CREBBP: variants seen among roughly 807,000 people sequenced by gnomAD.
CREBBP encodes the protein CREB-binding protein.
In CREBBP, 19 loss-of-function variants were observed where a neutral mutation model predicts 265.0. The ratio of observed to expected loss-of-function variants is 0.07; its 90% CI spans 0.05 to 0.11. The LOEUF is 0.11. Among genes scored for constraint, CREBBP ranks in the 10% least tolerant of loss-of-function variants. The probability of loss-of-function intolerance (pLI) is 1.00; values close to 1 mark genes in which losing one functional copy is unlikely to be tolerated. For synonymous variants in CREBBP, 1,457 were observed against 1,223.7 expected, an observed-to-expected ratio of 1.19 and a Z score of -3.98; for missense variants, 2,525 against 3,219.0, an observed-to-expected ratio of 0.78 and a Z score of 5.22.
At chr16:3,851,689 G>A (rs944238123) in intron 1 of CREBBP, among the ~76,000 whole-genome samples, 1 of 151,612 alleles carries the variant, frequency 6.6e-6, no homozygotes, top group African/African-American at 2.4e-5. Context: ...CCCGTCTCTA[G>A]TAAAAAGACA....
At chr16:3,760,472 G>A (rs1222388969) in intron 16 of CREBBP, among the ~76,000 whole-genome samples, 3 of 135,336 alleles carry the variant, frequency 2.2e-5, no homozygotes, top group South Asian at 2.4e-4. Context: ...GTACGATCTC[G>A]GCTCACAGCA....
In CREBBP at chr16:3,802,661, T is replaced by C. The variant is rs75142628; in HGVS notation, c.975+7942A>G. On this transcript the variant is annotated intron_variant, in intron 3 of 30. Transcript: ENST00000262367. Reference sequence around the variant, plus strand: ...GTGTGTCCAAGAGTAGGTTATCATGTCTTCAAAGGACCCTGTGTTCCAAAC... The same window carrying C: ...GTGTGTCCAAGAGTAGGTTATCATGCCTTCAAAGGACCCTGTGTTCCAAAC... Among the ~76,000 whole-genome samples, 1,113 of 152,168 alleles carry C rather than the reference T, an allele frequency of 7.3e-3. 12 individuals are homozygous for C. Among genetic ancestry groups the C allele is most frequent in the African/African-American group, 0.022 (899 of 41,492 alleles).
At chr16:3,861,629 T>C (rs916709525) in intron 1 of CREBBP, among the ~76,000 whole-genome samples, 1 of 98,816 alleles carries the variant, frequency 1.0e-5, no homozygotes, top group Non-Finnish European at 2.1e-5. Flanking sequence ...TGCAAATAAA[T>C]ATAATGGAAC....
chr16:3,759,966 C>T (rs1293795403), intron 16 of CREBBP, among the ~76,000 whole-genome samples: 1 of 152,178 alleles, frequency 6.6e-6, no homozygotes, highest in Admixed American at 6.5e-5. Context: ...CAGCAGTCAG[C>T]GTGTCACGAC....
chr16:3,824,593 T>G (rs879274340), intron 2 of CREBBP, among the ~76,000 whole-genome samples: 5 of 152,168 alleles, frequency 3.3e-5, no homozygotes, highest in Non-Finnish European at 7.3e-5. Flanking sequence ...TGCATTCAAA[T>G]CCTGATGGAC....
intron 1 of CREBBP, among the ~76,000 whole-genome samples, chr16:3,873,582 A>G (rs2055342744): frequency 6.6e-6 from 1 of 152,200 alleles, no homozygotes. Flanking sequence ...GGTTAACGCT[A>G]GTGTCAGTTC....
At chr16:3,845,932 C>T (rs1215874344) in intron 2 of CREBBP, among the ~76,000 whole-genome samples, 3 of 134,088 alleles carry the variant, frequency 2.2e-5, no homozygotes, top group African/African-American at 5.7e-5. Context: ...GAGAAAAATA[C>T]AGGAAAATAT....
rs576854644 is a variant in CREBBP, at chr16:3,858,488, G to A, written c.86-7479C>T. Among the ~76,000 whole-genome samples the A allele has an allele frequency of 9.1e-4, 138 of 152,266 alleles. 1 individual carries two copies. Among genetic ancestry groups the A allele is most frequent in the African/African-American group, 3.1e-3 (127 of 41,562 alleles). On this transcript the variant is annotated intron_variant, in intron 1 of 30. Transcript: ENST00000262367. ...GTTAAAATTATGCTAACAATTTCAC[G>A]TTATAACGTGCGTGGGGCTGTAAGC... is the stretch of plus-strand genomic sequence containing the variant.
chr16:3,771,018 AT>A, intron 13 of CREBBP, 32 bp from the exon 14 acceptor site: 1 of 1,610,332 alleles, frequency 6.2e-7, no homozygotes, highest in South Asian at 1.1e-5. Context: ...TGGTAAAATT[AT>A]TTCCCCCGTT....
intron 16 of CREBBP, among the ~76,000 whole-genome samples, chr16:3,764,788 G>C (rs1049560303): frequency 9.2e-5 from 14 of 151,940 alleles, no homozygotes; most frequent in Non-Finnish European, 1.9e-4. Flanking sequence ...TTACTATGTT[G>C]CCCAGGCTAG....
intron 1 of CREBBP, among the ~76,000 whole-genome samples, chr16:3,852,156 T>A (rs1411811910): frequency 9.0e-6 from 1 of 111,584 alleles, no homozygotes; most frequent in Non-Finnish European, 1.7e-5. Flanking sequence ...ATCTTAAATT[T>A]GTTTTTTTTT....
chr16:3,779,576 G>A (rs1331687298), intron 8 of CREBBP, among the ~76,000 whole-genome samples: 2 of 152,268 alleles, frequency 1.3e-5, no homozygotes, highest in South Asian at 4.1e-4. Context: ...CTCTTGCCTC[G>A]CATGTCAATA....
At chr16:3,774,386 A>G (rs2053086071) in intron 12 of CREBBP, among the ~76,000 whole-genome samples, 183 bp downstream of exon 12, 1 of 152,230 alleles carries the variant, frequency 6.6e-6, no homozygotes, top group Admixed American at 6.5e-5. Context: ...TAAAATAACT[A>G]ACAGTCAAAT....
At position 3,779,418 on chromosome 16, in the gene CREBBP, C is replaced by G. The variant is rs369695375; in HGVS notation, c.1824-601G>C. Among the ~76,000 whole-genome samples, 7 of 152,290 alleles carry G rather than the reference C, an allele frequency of 4.6e-5. No homozygotes were observed. The South Asian group carries it at 8.3e-4, about 18-fold the overall frequency. On this transcript the variant is annotated intron_variant, in intron 8 of 30. Coordinates refer to ENST00000262367, the MANE Select transcript of CREBBP (RefSeq NM_004380.3). The stretch of plus-strand genomic sequence containing the variant: ...TGAACTCCTGGGCTCACATAATCCT[C>G]CCACCTCAGCCTCCCAAAGCACTGG...
At chr16:3,879,734 G>C in intron 1 of CREBBP, 98 bp downstream of exon 1, 2 of 1,316,282 alleles carry the variant, frequency 1.5e-6, no homozygotes, top group Non-Finnish European at 1.1e-6. Flanking sequence ...CGAGCTCCCG[G>C]CTCGATCGGT....
chr16:3,846,428 C>A (rs1213790482), intron 2 of CREBBP, among the ~76,000 whole-genome samples: 1 of 152,164 alleles, frequency 6.6e-6, no homozygotes, highest in African/African-American at 2.4e-5. Context: ...ATCTCAGTAT[C>A]TTTTAATTCA....
At chr16:3,760,278 G>C (rs144898561) in intron 16 of CREBBP, among the ~76,000 whole-genome samples, 286 of 151,306 alleles carry the variant, frequency 1.9e-3, no homozygotes, top group African/African-American at 6.6e-3. Flanking sequence ...TTTTTATGGA[G>C]ATGAGGTCTC....
At chr16:3,761,040 C>T (rs1444987751) in intron 16 of CREBBP, among the ~76,000 whole-genome samples, 2 of 151,868 alleles carry the variant, frequency 1.3e-5, no homozygotes, top group African/African-American at 2.4e-5. Flanking sequence ...CTGCAATCTC[C>T]GCCTCCCGGG....
intron 5 of CREBBP, chr16:3,784,582 T>C (rs2053344664): frequency 6.6e-6 from 1 of 152,268 alleles, no homozygotes; most frequent in African/African-American, 2.4e-5. Flanking sequence ...TAGGATAGTT[T>C]ATTTTTCTAC....
Sources: gnomAD v4.1 joint callset for allele counts (sites outside exome capture counted in the v4.1 genomes callset) on GRCh38, gnomAD v4.1.1 for gene constraint, MANE v1.5 for transcripts, NCBI Gene and HGNC (gene_info 2026-07-23, HGNC 2026-07-21) for gene names.